The following RPL22 variants were observed in gnomAD, a reference collection of about 807,000 sequenced individuals.
RPL22 encodes the protein ribosomal protein L22, also known as large ribosomal subunit protein eL22.
In RPL22, 4 loss-of-function variants were observed where a neutral mutation model predicts 16.2. The observed-to-expected ratio is 0.25, with a 90% CI of 0.12 to 0.57. The LOEUF (loss-of-function observed/expected upper bound fraction) is 0.57, where lower values mean the gene tolerates loss of function less well. Among genes scored for constraint, RPL22 ranks in the 20% least tolerant of loss-of-function variants. RPL22 has a pLI of 0.92. For synonymous variants in RPL22, 43 were observed against 54.8 expected (o/e 0.78, Z 0.95); for missense variants, 83 against 156.1 (o/e 0.53, Z 2.49).
intron 2 of RPL22, among the ~76,000 whole-genome samples, chr1:6,196,735 A>C (rs2100907493): frequency 6.6e-6 from 1 of 152,186 alleles, no homozygotes; most frequent in African/African-American, 2.4e-5. Context: ...AATATTGGGG[A>C]ATGGGCCAAA....
intron 3 of RPL22, among the ~76,000 whole-genome samples, chr1:6,190,077 A>C (rs1224286846): frequency 1.3e-5 from 2 of 152,224 alleles, no homozygotes; most frequent in Non-Finnish European, 2.9e-5. Context: ...CACTGGATAA[A>C]GAACAGAAAG....
At chr1:6,193,649 C>CT (rs1432997373) in intron 2 of RPL22, among the ~76,000 whole-genome samples, 1 of 151,958 alleles carries the variant, frequency 6.6e-6, no homozygotes, top group Admixed American at 6.6e-5. Flanking sequence ...AGGGGTCTCT[C>CT]TATGTTGGCT....
chr1:6,192,799 T>C, intron 3 of RPL22, 131 bp downstream of exon 3: 4 of 1,089,340 alleles, frequency 3.7e-6, no homozygotes, highest in Non-Finnish European at 5.4e-6. Flanking sequence ...CACTGCCTCC[T>C]GCACTGAGCA....
At chr1:6,196,542 G>C (rs1038451120) in intron 2 of RPL22, among the ~76,000 whole-genome samples, 6 of 152,172 alleles carry the variant, frequency 3.9e-5, no homozygotes, top group African/African-American at 1.4e-4. Flanking sequence ...CCTGGCAATA[G>C]TTCAACCTTC....
chr1:6,193,107 A>G (rs1004442116), intron 2 of RPL22, 53 bp from the exon 3 acceptor site: 4 of 1,603,078 alleles, frequency 2.5e-6, no homozygotes, highest in Admixed American at 3.4e-5. Context: ...CTGTCTCAAC[A>G]GAATATTTTA....
At chr1:6,196,867 T>G (rs1418980045) in intron 2 of RPL22, among the ~76,000 whole-genome samples, 1 of 151,968 alleles carries the variant, frequency 6.6e-6, no homozygotes, top group Non-Finnish European at 1.5e-5. Flanking sequence ...ATAGAAAAGC[T>G]TCGGGAACTG....
intron 3 of RPL22, among the ~76,000 whole-genome samples, chr1:6,192,542 T>C (rs1183026447): frequency 6.6e-6 from 1 of 151,800 alleles, no homozygotes; most frequent in Non-Finnish European, 1.5e-5. Context: ...CTACTAAAAA[T>C]ACAAAAATTA....
intron 3 of RPL22, among the ~76,000 whole-genome samples, chr1:6,188,218 G>A (rs1667606435): frequency 6.6e-6 from 1 of 152,194 alleles, no homozygotes; most frequent in Non-Finnish European, 1.5e-5. Flanking sequence ...TTTCAGTAGA[G>A]ATGGGGGTTT....
chr1:6,191,836 A>G (rs1205396899), intron 3 of RPL22, among the ~76,000 whole-genome samples: 1 of 151,826 alleles, frequency 6.6e-6, no homozygotes, highest in Admixed American at 6.6e-5. Context: ...TGTCTCTACT[A>G]AAAATACGAA....
rs757240358 is a variant in RPL22 at position 6,186,726 on chromosome 1, T to C, written c.333A>G (p.Glu111=). Residue 111 remains glutamate, a synonymous_variant, in exon 4 of 4, where the codon GAA becomes GAG. Transcript: ENST00000234875. ...CCTGGTTAATCTGGAAGTAACGTAA[T>C]TCGTAACTCTCTTTGCTGTTAGCAA... ...RVVANSKESY[E]LRYFQINQDE... 9 of 1,593,624 alleles carry C rather than the reference T, an allele frequency of 5.6e-6. 1 individual carries two copies. In the South Asian group the frequency reaches 6.7e-5, roughly 12 times the overall value.
At position 6,194,163 on chromosome 1, in the gene RPL22, A is replaced by G. The variant is rs573898181; in HGVS notation, c.118-1109T>C. The stretch of plus-strand genomic sequence containing the variant: ...GGAGGTTGCAGTGAGCCGAGATCAC[A>G]CCACTGCACTCCAGCCTGGGGGACA... On this transcript the variant is annotated intron_variant, in intron 2 of 3. Transcript: ENST00000234875. 2.9e-4 allele frequency among the ~76,000 whole-genome samples: 44 copies of G among 152,264 alleles called. No homozygotes were observed. In the South Asian group the frequency reaches 8.5e-3, roughly 29 times the overall value.
chr1:6,197,306 G>A (rs1020936607), intron 2 of RPL22, among the ~76,000 whole-genome samples: 3 of 152,172 alleles, frequency 2.0e-5, no homozygotes, highest in Admixed American at 1.3e-4. Flanking sequence ...TTGGGATTAC[G>A]GGCGTGAGCC....
In RPL22 at chr1:6,186,804, A is replaced by C. The variant is rs373069290; in HGVS notation, c.255T>G (p.Tyr85Ter). Residue 85 changes from tyrosine to a stop codon, truncating the protein, a stop_gained, in exon 4 of 4, where the codon TAT becomes TAG. Transcript: ENST00000234875. LOFTEE classifies it high-confidence loss of function. ...TCTTCTTCAAATATTTTTTGGTGAG[A>C]TATTTCAAATACCTGCAGAGAAAGG... The part of the protein sequence containing the change: ...EVPFSKRYLK[Y>*]LTKKYLKKNN... 1.2e-6 allele frequency: 2 copies of C among 1,613,258 alleles called. No homozygotes were observed. Among genetic ancestry groups the C allele is most frequent in the Non-Finnish European group, 1.7e-6 (2 of 1,179,714 alleles).
chr1:6,198,108 A>C, intron 1 of RPL22: 1 of 238,856 alleles, frequency 4.2e-6, no homozygotes, highest in Non-Finnish European at 8.2e-6. Flanking sequence ...TTGCCCTAAC[A>C]TTCCCAATTT....
chr1:6,187,339 G>A (rs947429933), intron 3 of RPL22, among the ~76,000 whole-genome samples: 4 of 151,742 alleles, frequency 2.6e-5, no homozygotes, highest in Non-Finnish European at 1.5e-5. Context: ...ACTAGGCCAG[G>A]GGCACTGGCT....
intron 2 of RPL22, among the ~76,000 whole-genome samples, chr1:6,196,697 A>G (rs1667721664): frequency 1.3e-5 from 2 of 152,144 alleles, no homozygotes; most frequent in Admixed American, 1.3e-4. Context: ...GGATTATTTA[A>G]TATTTCTAGA....
intron 3 of RPL22, among the ~76,000 whole-genome samples, chr1:6,191,442 C>T (rs1295113869): frequency 1.3e-4 from 18 of 134,662 alleles, no homozygotes; most frequent in African/African-American, 3.5e-4. Flanking sequence ...CCGAGGCGGG[C>T]GGATCACGAG....
chr1:6,192,138 C>G (rs1328885730), intron 3 of RPL22, among the ~76,000 whole-genome samples: 1 of 152,108 alleles, frequency 6.6e-6, no homozygotes, highest in Non-Finnish European at 1.5e-5. Flanking sequence ...CAACCCTAAC[C>G]TGCTGGGCTC....
rs1571189397 is a variant in RPL22 at position 6,197,935 on chromosome 1, G to A, written c.13-179C>T. ...TGCCTGAGTGCCAGAGGTATAATGG[G>A]GCAGATGCTGCTGTACAAGCTTGGG... On this transcript the variant is annotated intron_variant, in intron 1 of 3. Coordinates refer to ENST00000234875, the MANE Select transcript of RPL22 (RefSeq NM_000983.4). The A allele has an allele frequency of 4.9e-6, 3 of 613,028 alleles. No homozygotes were observed. The Admixed American group carries it at 8.2e-5, about 17-fold the overall frequency. 38.0% of individuals were successfully genotyped at this position (613,028 alleles called of 1,614,324 possible). A position where few individuals can be genotyped will look rare whatever the true frequency, so the allele number is the denominator to read the frequency against.
Sources: allele counts gnomAD v4.1 joint callset (sites outside exome capture counted in the v4.1 genomes callset), GRCh38; gene constraint gnomAD v4.1.1; transcripts MANE v1.5; gene names NCBI Gene and HGNC (gene_info 2026-07-23, HGNC 2026-07-21).